Variants in PALLD observed in about 807,000 individuals in gnomAD.
PALLD encodes the protein palladin.
A neutral mutation model predicts 123.5 loss-of-function variants in PALLD; 61 were observed. The observed-to-expected ratio is 0.49, with a 90% CI of 0.40 to 0.61. The LOEUF (loss-of-function observed/expected upper bound fraction) is 0.61, where lower values mean the gene tolerates loss of function less well. Ranked by LOEUF, PALLD falls within the 20% of genes least tolerant of loss-of-function variation. PALLD has a pLI of 0.00. For synonymous variants in PALLD, 465 were observed against 496.4 expected, an observed-to-expected ratio of 0.94 and a Z score of 0.84; for missense variants, 1,273 against 1,377.0, an observed-to-expected ratio of 0.92 and a Z score of 1.20.
At chr4:168,507,982 A>G (rs11938031) in intron 1 of PALLD, among the ~76,000 whole-genome samples, 12,054 of 152,150 alleles carry the variant, frequency 0.079, 754 homozygotes, top group African/African-American at 0.17. Flanking sequence ...TCCCTCACAC[A>G]TCATTCTTTC....
intron 10 of PALLD, among the ~76,000 whole-genome samples, chr4:168,743,262 C>T (rs1010340038): frequency 4.6e-5 from 7 of 152,314 alleles, no homozygotes; most frequent in Admixed American, 2.0e-4. Context: ...CATTGTCACA[C>T]TGAGTGACAT....
At position 168,779,979 on chromosome 4, in the gene PALLD, A is replaced by G. The variant is rs527265787; in HGVS notation, c.1964+68056A>G. Among the ~76,000 whole-genome samples the G allele has an allele frequency of 3.0e-4, 46 of 151,470 alleles. No homozygotes were observed. The South Asian group carries it at 9.0e-3, about 30-fold the overall frequency. ...AGTGGCGTGATCTCAGCTCACTGCA[A>G]CCTCCACCACCGGGGTTCAAGCGAT... On this transcript the variant is annotated intron_variant, in intron 10 of 21. Coordinates refer to ENST00000505667, the MANE Select transcript of PALLD (RefSeq NM_001166108.2).
intron 2 of PALLD, among the ~76,000 whole-genome samples, chr4:168,552,551 C>A (rs763456383): frequency 1.3e-5 from 2 of 152,150 alleles, no homozygotes; most frequent in Non-Finnish European, 2.9e-5. Context: ...CTACCCAGTA[C>A]AAAGCCATAA....
In PALLD at chr4:168,562,887, A is replaced by G. The variant is rs368746724; in HGVS notation, c.908+50475A>G. ...AGTTTTGTTTTCAGAAGATGCCTGC[A>G]GCTCCATCGTTTGTGTAGAGAATGG... On this transcript the variant is annotated intron_variant, in intron 2 of 21. Transcript: ENST00000505667. Among the ~76,000 whole-genome samples the G allele has an allele frequency of 4.6e-5, 7 of 152,356 alleles. No homozygotes were observed. In the South Asian group the frequency reaches 1.4e-3, roughly 32 times the overall value.
intron 10 of PALLD, among the ~76,000 whole-genome samples, chr4:168,788,239 A>T (rs570392776): frequency 1.8e-3 from 49 of 26,590 alleles, no homozygotes; most frequent in African/African-American, 9.0e-3. Context: ...TTTGAACTGG[A>T]TCTTTCCTTA....
At chr4:168,680,853 G>A (rs1781486853) in intron 3 of PALLD, among the ~76,000 whole-genome samples, 1 of 152,108 alleles carries the variant, frequency 6.6e-6, no homozygotes, top group Non-Finnish European at 1.5e-5. Context: ...AAGTGAATTT[G>A]GGAAGGCATG....
intron 10 of PALLD, among the ~76,000 whole-genome samples, chr4:168,857,110 C>T (rs959693982): frequency 1.3e-5 from 2 of 152,228 alleles, no homozygotes; most frequent in African/African-American, 4.8e-5. Flanking sequence ...TCTTCCTTCT[C>T]TCGACAACCC....
chr4:168,536,979 C>A (rs1181014467), intron 2 of PALLD, among the ~76,000 whole-genome samples: 1 of 152,098 alleles, frequency 6.6e-6, no homozygotes, highest in African/African-American at 2.4e-5. Flanking sequence ...AGGCGCCTGC[C>A]ACCACGCCCG....
intron 2 of PALLD, among the ~76,000 whole-genome samples, chr4:168,582,883 A>G (rs1161155262): frequency 6.6e-6 from 1 of 152,186 alleles, no homozygotes; most frequent in African/African-American, 2.4e-5. Context: ...AACCTAAGCC[A>G]GTGCCTGATA....
intron 10 of PALLD, among the ~76,000 whole-genome samples, chr4:168,883,826 C>T (rs748106382): frequency 6.6e-6 from 1 of 151,830 alleles, no homozygotes; most frequent in African/African-American, 2.4e-5. Context: ...GTGCAGGAGG[C>T]CTGTTACAAA....
At chr4:168,529,040 G>A (rs1764344418) in intron 2 of PALLD, among the ~76,000 whole-genome samples, 1 of 152,156 alleles carries the variant, frequency 6.6e-6, no homozygotes, top group Non-Finnish European at 1.5e-5. Flanking sequence ...TAAGAACTAG[G>A]TGTGCCATTA....
chr4:168,566,157 T>G (rs1186054921), intron 2 of PALLD, among the ~76,000 whole-genome samples: 2 of 152,164 alleles, frequency 1.3e-5, no homozygotes, highest in Non-Finnish European at 2.9e-5. Context: ...AAGGTATCAG[T>G]TATTAGAAAG....
chr4:168,673,964 G>A lies in PALLD; in HGVS notation c.1087+5596G>A, dbSNP rs144044327. 5.1e-3 allele frequency among the ~76,000 whole-genome samples: 780 copies of A among 152,118 alleles called. 15 individuals carry two copies. The highest frequency in any genetic ancestry group is 0.034 in the Admixed American group (515 of 15,270). On this transcript the variant is annotated intron_variant, in intron 3 of 21. Coordinates refer to ENST00000505667, the MANE Select transcript of PALLD (RefSeq NM_001166108.2). ...GAGTCTCGCTCTGTCACTCAGGCTG[G>A]AGTGTAATGCCGCGATCTCGGCTCA...
At chr4:168,548,846 T>C (rs537781230) in intron 2 of PALLD, among the ~76,000 whole-genome samples, 1 of 152,258 alleles carries the variant, frequency 6.6e-6, no homozygotes, top group Non-Finnish European at 1.5e-5. Flanking sequence ...AGGAGCGTGG[T>C]AAATAATATG....
chr4:168,612,913 A>G (rs1773876105), intron 2 of PALLD, among the ~76,000 whole-genome samples: 1 of 152,176 alleles, frequency 6.6e-6, no homozygotes, highest in African/African-American at 2.4e-5. Flanking sequence ...CCTGGAATTC[A>G]AAGAGCTTTC....
intron 10 of PALLD, among the ~76,000 whole-genome samples, chr4:168,736,592 C>G (rs909705131): frequency 6.6e-6 from 1 of 152,148 alleles, no homozygotes; most frequent in African/African-American, 2.4e-5. Context: ...AATGATCCAG[C>G]AAAGGCGAAT....
chr4:168,792,923 C>A (rs1038868868), intron 10 of PALLD, among the ~76,000 whole-genome samples: 1 of 151,480 alleles, frequency 6.6e-6, no homozygotes, highest in Admixed American at 6.6e-5. Flanking sequence ...CAGGCCACCA[C>A]GCCTGGCTAA....
chr4:168,832,033 C>T, intron 10 of PALLD: 12 of 985,422 alleles, frequency 1.2e-5, no homozygotes, highest in Non-Finnish European at 1.4e-5. Flanking sequence ...GGTGAAGGCT[C>T]GGAGCCTCCT....
intron 10 of PALLD, chr4:168,712,186 C>G (rs1276768159): frequency 1.8e-6 from 1 of 546,650 alleles, no homozygotes; most frequent in Non-Finnish European, 3.3e-6. Flanking sequence ...GTGTGGGCTT[C>G]CAACATACAG....
Sources: allele counts gnomAD v4.1 joint callset (sites outside exome capture counted in the v4.1 genomes callset), GRCh38; gene constraint gnomAD v4.1.1; transcripts MANE v1.5; gene names NCBI Gene and HGNC (gene_info 2026-07-23, HGNC 2026-07-21).